The following UCHL3 variants were observed in gnomAD, a reference collection of about 807,000 sequenced individuals.
UCHL3 encodes ubiquitin C-terminal hydrolase L3, also known as ubiquitin carboxyl-terminal hydrolase isozyme L3.
In UCHL3, 22 loss-of-function variants were observed where a neutral mutation model predicts 35.8. That is an observed-to-expected ratio of 0.61 (90% CI 0.44 to 0.88). The LOEUF (loss-of-function observed/expected upper bound fraction) is 0.88, where lower values mean the gene tolerates loss of function less well. Among genes scored for constraint, UCHL3 ranks in the 40% least tolerant of loss-of-function variants. The pLI is 0.00. For missense variants in UCHL3, 229 were observed against 276.9 expected (o/e 0.83, Z 1.23); for synonymous variants, 90 against 92.8 (o/e 0.97, Z 0.17).
intron 6 of UCHL3, chr13:75,590,339 A>C: frequency 2.9e-6 from 2 of 697,518 alleles, no homozygotes; most frequent in Non-Finnish European, 3.5e-6. Flanking sequence ...TTTCCACTCC[A>C]TATCCTGCCA....
At chr13:75,569,214 G>A (rs181353400) in intron 5 of UCHL3, 16 of 346,112 alleles carry the variant, frequency 4.6e-5, no homozygotes, top group Non-Finnish European at 2.1e-5. Flanking sequence ...CTTAGAGCCT[G>A]GAAATTACAA....
At chr13:75,579,160 TCTTC>T (rs2032109492) in intron 6 of UCHL3, among the ~76,000 whole-genome samples, 2 of 152,152 alleles carry the variant, frequency 1.3e-5, no homozygotes, top group African/African-American at 4.8e-5. Context: ...ATTTATTTCC[TCTTC>T]CTTCATTTTG....
chr13:75,569,333 T>TTCTAGTACTAGTACTAGTA, intron 5 of UCHL3, 127 bp from the exon 6 acceptor site: 2 of 646,692 alleles, frequency 3.1e-6, no homozygotes, highest in South Asian at 5.4e-5. Context: ...ACTAAGCTTT[T>TTCTAGTACTAGTACTAGTA]CTTAAATTTC....
At chr13:75,589,925 T>C in intron 6 of UCHL3, 9 of 1,291,060 alleles carry the variant, frequency 7.0e-6, no homozygotes, top group Non-Finnish European at 9.2e-6. Context: ...TATTCTCTTT[T>C]TTAATTATGT....
At chr13:75,557,042 G>A (rs755761440) in intron 2 of UCHL3, among the ~76,000 whole-genome samples, 5 of 151,976 alleles carry the variant, frequency 3.3e-5, no homozygotes, top group Non-Finnish European at 7.4e-5. Context: ...ATAGTGAGAC[G>A]TCTCTACTAA....
intron 4 of UCHL3, 21 bp downstream of exon 4, chr13:75,566,872 G>T (rs767423288): frequency 1.8e-5 from 28 of 1,573,706 alleles, no homozygotes; most frequent in Admixed American, 3.8e-5. Flanking sequence ...TTTCATTACT[G>T]CATTTTTTCC....
chr13:75,590,055 G>A (rs1451250092), intron 6 of UCHL3: 3 of 1,304,494 alleles, frequency 2.3e-6, no homozygotes, highest in Non-Finnish European at 3.0e-6. Flanking sequence ...CCCTGCAAAG[G>A]CTACCAGTCC....
intron 2 of UCHL3, among the ~76,000 whole-genome samples, chr13:75,555,968 T>C (rs2031281065): frequency 1.3e-5 from 2 of 152,226 alleles, no homozygotes; most frequent in Admixed American, 6.5e-5. Flanking sequence ...TCTCTGAACA[T>C]GCTTAGAAAC....
At chr13:75,602,001 C>T (rs1214314516) in intron 7 of UCHL3, among the ~76,000 whole-genome samples, 3 of 151,702 alleles carry the variant, frequency 2.0e-5, no homozygotes, top group East Asian at 1.9e-4. Context: ...CCCAGCTGCT[C>T]GGGAGGCTGA....
intron 6 of UCHL3, among the ~76,000 whole-genome samples, chr13:75,580,449 C>T (rs903453592): frequency 3.3e-5 from 5 of 152,120 alleles, no homozygotes; most frequent in Non-Finnish European, 5.9e-5. Flanking sequence ...CATATGTGTA[C>T]ACACATTTAT....
intron 8 of UCHL3, 74 bp downstream of exon 8, chr13:75,604,901 A>G: frequency 7.7e-7 from 1 of 1,296,466 alleles, no homozygotes; most frequent in Non-Finnish European, 1.1e-6. Context: ...GGTCACTTGC[A>G]TAACATTTTC....
intron 6 of UCHL3, among the ~76,000 whole-genome samples, chr13:75,578,853 CAT>C (rs1048424231): frequency 1.3e-5 from 2 of 151,798 alleles, no homozygotes; most frequent in Non-Finnish European, 2.9e-5. Context: ...ATTAAAGATA[CAT>C]GTGTGTGTTT....
chr13:75,603,837 C>T (rs1436266100), intron 7 of UCHL3, among the ~76,000 whole-genome samples: 1 of 151,848 alleles, frequency 6.6e-6, no homozygotes, highest in African/African-American at 2.4e-5. Flanking sequence ...GGAATTATGT[C>T]CCAGGCATTG....
intron 7 of UCHL3, among the ~76,000 whole-genome samples, chr13:75,600,092 C>G (rs2032741389): frequency 1.3e-5 from 2 of 152,188 alleles, no homozygotes; most frequent in African/African-American, 4.8e-5. Flanking sequence ...TAATCTGGAG[C>G]AAGGCCATAC....
intron 6 of UCHL3, among the ~76,000 whole-genome samples, chr13:75,581,754 C>T (rs964898253): frequency 2.0e-5 from 3 of 149,748 alleles, no homozygotes; most frequent in Non-Finnish European, 3.0e-5. Context: ...ATTTCAAATA[C>T]GTTGGTTATT....
intron 6 of UCHL3, among the ~76,000 whole-genome samples, chr13:75,575,334 C>T (rs188857252): frequency 6.6e-6 from 1 of 152,256 alleles, no homozygotes; most frequent in East Asian, 1.9e-4. Context: ...AAAGGTATTG[C>T]TTTCATCTTT....
In UCHL3 at chr13:75,605,627, G is replaced by A. The variant is rs1667567107; in HGVS notation, c.610-102G>A. ...ATTTCTCATTTGGAAAAGGAAGTTT[G>A]CAGTGTAAAATTAGTATGAATTAGA... On this transcript the variant is annotated intron_variant, in intron 8 of 8. Transcript: ENST00000377595. 4 of 1,111,256 alleles carry A rather than the reference G, an allele frequency of 3.6e-6. No individual in the cohort carries two copies. In the Admixed American group the frequency reaches 9.7e-5, roughly 27 times the overall value. 68.8% of individuals were successfully genotyped at this position (1,111,256 alleles called of 1,614,324 possible).
intron 2 of UCHL3, among the ~76,000 whole-genome samples, chr13:75,554,971 T>C (rs1431558541): frequency 1.3e-5 from 2 of 152,210 alleles, no homozygotes; most frequent in Non-Finnish European, 2.9e-5. Flanking sequence ...ATCATTTAGC[T>C]CTCACAAGTG....
intron 6 of UCHL3, chr13:75,589,894 A>G (rs1285408346): frequency 1.6e-6 from 2 of 1,263,940 alleles, no homozygotes; most frequent in African/African-American, 1.5e-5. Flanking sequence ...ATGATCACCC[A>G]GTAACGTGGT....
Sources: allele counts gnomAD v4.1 joint callset (sites outside exome capture counted in the v4.1 genomes callset), GRCh38; gene constraint gnomAD v4.1.1; transcripts MANE v1.5; gene names NCBI Gene and HGNC (gene_info 2026-07-23, HGNC 2026-07-21).